The following NECAB1 variants were observed in gnomAD, a reference collection of about 807,000 sequenced individuals.
NECAB1 encodes N-terminal EF-hand calcium-binding protein 1.
A neutral mutation model predicts 57.5 loss-of-function variants in NECAB1; 29 were observed. The ratio of observed to expected loss-of-function variants is 0.50; its 90% CI spans 0.38 to 0.69. The LOEUF (loss-of-function observed/expected upper bound fraction) is 0.69. NECAB1 is among the 30% of genes least tolerant of loss of function. The probability of loss-of-function intolerance (pLI) is 0.00; values close to 1 mark genes in which losing one functional copy is unlikely to be tolerated. For missense variants in NECAB1, 372 were observed against 413.8 expected, an observed-to-expected ratio of 0.90 and a Z score of 0.88; for synonymous variants, 142 against 147.7, an observed-to-expected ratio of 0.96 and a Z score of 0.28.
chr8:90,892,140 T>G (rs1215329501), intron 5 of NECAB1, among the ~76,000 whole-genome samples: 1 of 152,232 alleles, frequency 6.6e-6, no homozygotes, highest in Non-Finnish European at 1.5e-5. Flanking sequence ...CCTGGTTTTC[T>G]CAGGAGCATC....
intron 12 of NECAB1, among the ~76,000 whole-genome samples, chr8:90,951,463 G>T (rs931928081): frequency 1.3e-5 from 2 of 152,084 alleles, no homozygotes; most frequent in Non-Finnish European, 2.9e-5. Context: ...TAACAAACTT[G>T]AAGTACCACC....
chr8:90,849,483 C>CTTTTTTTTTT (rs5893138), intron 3 of NECAB1, among the ~76,000 whole-genome samples: 10 of 113,428 alleles, frequency 8.8e-5, no homozygotes, highest in Admixed American at 2.0e-4. Flanking sequence ...AAGAAAAATG[C>CTTTTTTTTTT]TTTTTTTTTT....
At chr8:90,857,776 G>C (rs6471259) in intron 3 of NECAB1, among the ~76,000 whole-genome samples, 70,148 of 151,832 alleles carry the variant, frequency 0.46, 19,649 homozygotes, top group East Asian at 0.77. Context: ...GGACCTCTTA[G>C]TCATTTAAAG....
At chr8:90,911,780 T>A (rs1809836520) in intron 5 of NECAB1, among the ~76,000 whole-genome samples, 1 of 152,172 alleles carries the variant, frequency 6.6e-6, no homozygotes, top group Non-Finnish European at 1.5e-5. Context: ...CCAGGTCTTG[T>A]GAAGTTTGAG....
At position 90,866,639 on chromosome 8, in the gene NECAB1, G is replaced by T. The variant is rs1808520278; in HGVS notation, c.234-5489G>T. ...AATATAATCAGGAAAAGCAAAGGAGGAGTTTAAAAGTCACAATCCTTTGTT... is the reference window on the plus strand; with the variant it reads ...AATATAATCAGGAAAAGCAAAGGAGTAGTTTAAAAGTCACAATCCTTTGTT... On this transcript the variant is annotated intron_variant, in intron 3 of 12. Coordinates refer to ENST00000417640, the MANE Select transcript of NECAB1 (RefSeq NM_022351.5). Among the ~76,000 whole-genome samples the T allele has an allele frequency of 2.0e-5, 3 of 152,146 alleles. 1 individual carries two copies. The highest frequency in any genetic ancestry group is 4.1e-4 in the South Asian group (2 of 4,824).
At chr8:90,893,417 G>T (rs1288875274) in intron 5 of NECAB1, among the ~76,000 whole-genome samples, 2 of 151,974 alleles carry the variant, frequency 1.3e-5, no homozygotes, top group African/African-American at 2.4e-5. Flanking sequence ...ATATATATCG[G>T]CTCCCAGGGG....
intron 10 of NECAB1, among the ~76,000 whole-genome samples, chr8:90,949,261 C>CTAGG (rs1392391276): frequency 6.6e-6 from 1 of 151,318 alleles, no homozygotes; most frequent in Non-Finnish European, 1.5e-5. Flanking sequence ...GAGAGAGCCA[C>CTAGG]TAGGTATTGG....
At chr8:90,830,063 C>A (rs1812279475) in intron 3 of NECAB1, among the ~76,000 whole-genome samples, 1 of 151,996 alleles carries the variant, frequency 6.6e-6, no homozygotes, top group Non-Finnish European at 1.5e-5. Flanking sequence ...GGTGATGAAG[C>A]CCCTTTCTTT....
intron 2 of NECAB1, among the ~76,000 whole-genome samples, chr8:90,818,962 GTA>G: frequency 6.6e-6 from 1 of 151,824 alleles, no homozygotes; most frequent in Non-Finnish European, 1.5e-5. Context: ...TGTTTTAAAA[GTA>G]TAATAATTTT....
chr8:90,928,394 T>C (rs1164687623), intron 8 of NECAB1, 95 bp downstream of exon 8: 2 of 854,082 alleles, frequency 2.3e-6, no homozygotes, highest in Admixed American at 6.1e-5. Context: ...GCCCCATAGA[T>C]AGAATAACAG....
At chr8:90,928,159 A>G in intron 7 of NECAB1, 64 bp from the exon 8 acceptor site, 1 of 1,239,976 alleles carries the variant, frequency 8.1e-7, no homozygotes, top group Non-Finnish European at 1.2e-6. Flanking sequence ...GCTCTGATAT[A>G]ACCAAGCATT....
rs145566995 is a variant in NECAB1, at chr8:90,905,391, C to T, written c.358-12101C>T. Among the ~76,000 whole-genome samples, 5 of 152,124 alleles carry T rather than the reference C, an allele frequency of 3.3e-5. No individual in the cohort carries two copies. In the East Asian group the frequency reaches 9.7e-4, roughly 29 times the overall value. ...AGTTAGTGCAGTGGTTCAAGAGGTCCGTGCAGATAATTTAGCACTTGTACC... is the reference window on the plus strand; with the variant it reads ...AGTTAGTGCAGTGGTTCAAGAGGTCTGTGCAGATAATTTAGCACTTGTACC... On this transcript the variant is annotated intron_variant, in intron 5 of 12. Transcript: ENST00000417640.
Position 90,956,956 on chromosome 8 carries a change from G to GTA in NECAB1, c.*1445_*1446insAT, listed in dbSNP as rs1269492006. 7.1e-6 allele frequency: 1 copy of GTA among 140,930 alleles called. No homozygotes were observed. Among genetic ancestry groups the GTA allele is most frequent in the Non-Finnish European group, 1.6e-5 (1 of 61,086 alleles). The allele number at this position is 140,930 out of a possible 1,614,324, so 8.7% of individuals were successfully genotyped here. On this transcript the variant is annotated 3_prime_UTR_variant, in exon 13 of 13. Coordinates refer to ENST00000417640, the MANE Select transcript of NECAB1 (RefSeq NM_022351.5). ...TGTACATACACACGTGTGTGTGTGT[G>GTA]TGTGTGTGTGTGTGTGTGTGTGTGT...
intron 1 of NECAB1, among the ~76,000 whole-genome samples, chr8:90,800,572 C>T (rs150590098): frequency 1.2e-4 from 19 of 152,286 alleles, no homozygotes; most frequent in African/African-American, 3.4e-4. Flanking sequence ...TCCCAAACCC[C>T]TATTTCCAGA....
intron 10 of NECAB1, 90 bp from the exon 11 acceptor site, chr8:90,949,717 G>C (rs1810887666): frequency 1.7e-6 from 1 of 602,368 alleles, no homozygotes; most frequent in Non-Finnish European, 2.9e-6. Flanking sequence ...TAATGGATAA[G>C]ATTGTTTCAT....
chr8:90,844,081 G>T (rs1812510126), intron 3 of NECAB1, among the ~76,000 whole-genome samples: 1 of 152,042 alleles, frequency 6.6e-6, no homozygotes, highest in Admixed American at 6.6e-5. Context: ...TCCATTTTAA[G>T]TCTTAATCCT....
At chr8:90,941,876 C>T (rs1810678289) in intron 10 of NECAB1, among the ~76,000 whole-genome samples, 1 of 152,242 alleles carries the variant, frequency 6.6e-6, no homozygotes, top group Non-Finnish European at 1.5e-5. Context: ...TTTTAGAAAA[C>T]TTCCACAACC....
At chr8:90,798,877 C>T (rs1206838295) in intron 1 of NECAB1, among the ~76,000 whole-genome samples, 1 of 152,192 alleles carries the variant, frequency 6.6e-6, no homozygotes, top group Admixed American at 6.5e-5. Flanking sequence ...AATCTCCAAA[C>T]TGCTTTCCAT....
chr8:90,834,733 A>G (rs973035170), intron 3 of NECAB1, among the ~76,000 whole-genome samples: 1 of 152,210 alleles, frequency 6.6e-6, no homozygotes, highest in Admixed American at 6.5e-5. Flanking sequence ...TAGAAGAAAG[A>G]GCATAAAATA....
Sources: gnomAD v4.1 joint callset for allele counts (sites outside exome capture counted in the v4.1 genomes callset) on GRCh38, gnomAD v4.1.1 for gene constraint, MANE v1.5 for transcripts, NCBI Gene and HGNC (gene_info 2026-07-23, HGNC 2026-07-21) for gene names.